The following FEZ2 variants were observed in gnomAD, a reference collection of about 807,000 sequenced individuals.
FEZ2 encodes fasciculation and elongation protein zeta-2.
In FEZ2, 51 loss-of-function variants were observed where a neutral mutation model predicts 40.4. The observed-to-expected ratio is 1.26, with a 90% confidence interval of 1.01 to 1.59. The LOEUF (loss-of-function observed/expected upper bound fraction) is 1.59. Among genes scored for constraint, FEZ2 ranks in the 40% most tolerant of loss-of-function variants. FEZ2 has a pLI of 0.00. For missense variants in FEZ2, 640 were observed against 438.3 expected (o/e 1.46, Z -4.11); for synonymous variants, 242 against 172.0 (o/e 1.41, Z -3.18).
chr2:36,565,870 A>AC (rs1023897301), intron 5 of FEZ2, among the ~76,000 whole-genome samples: 1 of 151,770 alleles, frequency 6.6e-6, no homozygotes, highest in South Asian at 2.1e-4. Context: ...CAGCAGTACC[A>AC]CCCCCATCCT....
At chr2:36,592,575 G>A (rs1669101130) in intron 1 of FEZ2, among the ~76,000 whole-genome samples, 1 of 150,918 alleles carries the variant, frequency 6.6e-6, no homozygotes, top group South Asian at 2.1e-4. Context: ...GGAAGCCAAA[G>A]TGGGAGGATT....
intron 1 of FEZ2, among the ~76,000 whole-genome samples, chr2:36,596,301 C>G (rs985197496): frequency 1.3e-5 from 2 of 152,222 alleles, no homozygotes; most frequent in African/African-American, 4.8e-5. Flanking sequence ...AGCTTCCTAC[C>G]TTATTCCTGA....
In FEZ2 at chr2:36,552,929, G is replaced by A; in HGVS notation, c.*234C>T. 1.9e-6 allele frequency: 1 copy of A among 516,044 alleles called. No homozygotes were observed. Among genetic ancestry groups the A allele is most frequent in the Non-Finnish European group, 3.5e-6 (1 of 287,510 alleles). The allele number at this position is 516,044 out of a possible 1,614,324, so 32.0% of individuals were successfully genotyped here. ...ATTACTCTCTCTTAATCTACTAAGA[G>A]AACAGTTTATTAGTAGATTTAACAA... On this transcript the variant is annotated 3_prime_UTR_variant, in exon 8 of 8. Coordinates refer to ENST00000405912, the MANE Select transcript of FEZ2 (RefSeq NM_005102.3).
chr2:36,588,333 A>C (rs1668966799), intron 2 of FEZ2, among the ~76,000 whole-genome samples: 1 of 152,170 alleles, frequency 6.6e-6, no homozygotes. Flanking sequence ...CAGCCAGGTA[A>C]GGCTTTTTAA....
At chr2:36,556,325 A>T (rs2125217626) in intron 6 of FEZ2, 1 of 162,506 alleles carries the variant, frequency 6.2e-6, no homozygotes, top group Non-Finnish European at 1.4e-5. Context: ...TGGGAGAATT[A>T]GCCTCATTCT....
At chr2:36,596,235 G>C (rs957800907) in intron 1 of FEZ2, among the ~76,000 whole-genome samples, 1 of 152,192 alleles carries the variant, frequency 6.6e-6, no homozygotes, top group Non-Finnish European at 1.5e-5. Context: ...ACACAGGTGG[G>C]CCTGCACCAC....
At chr2:36,562,711 AT>A (rs1668124723) in intron 5 of FEZ2, among the ~76,000 whole-genome samples, 1 of 152,204 alleles carries the variant, frequency 6.6e-6, no homozygotes, top group Admixed American at 6.5e-5. Flanking sequence ...ATTCATTCAT[AT>A]TTTTTAAGCA....
At chr2:36,581,105 T>G (rs914136881) in intron 4 of FEZ2, among the ~76,000 whole-genome samples, 185 bp downstream of exon 4, 2 of 152,162 alleles carry the variant, frequency 1.3e-5, no homozygotes, top group African/African-American at 4.8e-5. Flanking sequence ...GCTGAAATCA[T>G]GCCACTTCAT....
intron 1 of FEZ2, among the ~76,000 whole-genome samples, chr2:36,593,390 T>C (rs1178101910): frequency 6.6e-6 from 1 of 152,006 alleles, no homozygotes; most frequent in Non-Finnish European, 1.5e-5. Context: ...CTAGCAGAGG[T>C]TCTCCATGAG....
At chr2:36,597,533 T>C (rs1669261838) in intron 1 of FEZ2, among the ~76,000 whole-genome samples, 1 of 152,154 alleles carries the variant, frequency 6.6e-6, no homozygotes. Flanking sequence ...CTTGAGTGAA[T>C]GAATGGCGAC....
intron 5 of FEZ2, among the ~76,000 whole-genome samples, chr2:36,572,630 C>T (rs574164567): frequency 1.3e-5 from 2 of 152,234 alleles, no homozygotes; most frequent in South Asian, 4.2e-4. Flanking sequence ...TAGCTGTGTT[C>T]CAGTAAAACT....
At chr2:36,555,553 T>A in intron 7 of FEZ2, 130 bp downstream of exon 7, 1 of 509,604 alleles carries the variant, frequency 2.0e-6, no homozygotes, top group Non-Finnish European at 3.5e-6. Context: ...TAGCTAATCC[T>A]CACCCTGCAT....
intron 1 of FEZ2, 117 bp downstream of exon 1, chr2:36,597,739 AGGAAGGAGGCGAGAGGGCGGG>A: frequency 1.7e-6 from 1 of 598,992 alleles, no homozygotes; most frequent in East Asian, 3.5e-5. Context: ...CGACGGCCGG[AGGAAGGAGGCGAGAGGGCGGG>A]GACTCCCGCG....
intron 4 of FEZ2, among the ~76,000 whole-genome samples, chr2:36,580,807 A>C (rs562102155): frequency 7.9e-5 from 12 of 152,332 alleles, no homozygotes; most frequent in African/African-American, 2.9e-4. Flanking sequence ...AATTACATTA[A>C]AATAAGGTCA....
intron 5 of FEZ2, 119 bp from the exon 6 acceptor site, chr2:36,558,632 G>GA (rs951337042): frequency 1.2e-5 from 6 of 505,156 alleles, no homozygotes; most frequent in Non-Finnish European, 2.0e-5. Context: ...CTTTGGTAAT[G>GA]AAAACACAGG....
chr2:36,559,761 T>A (rs1668045913), intron 5 of FEZ2, among the ~76,000 whole-genome samples: 1 of 152,238 alleles, frequency 6.6e-6, no homozygotes. Flanking sequence ...CCTGGCTGCA[T>A]CTTCAGGCCT....
At chr2:36,553,687 C>T (rs1322179074) in intron 7 of FEZ2, among the ~76,000 whole-genome samples, 6 of 152,188 alleles carry the variant, frequency 3.9e-5, no homozygotes, top group African/African-American at 1.4e-4. Context: ...GCCCACCCTA[C>T]TCCCTTTTCT....
Position 36,581,449 on chromosome 2 carries a change from C to A in FEZ2, c.493-18G>T, listed in dbSNP as rs370243654. ...TCAATAACCTTCGAAAACACACACACCACTGTTAATCAAATATACAAAAGG... is the reference window on the plus strand; with the variant it reads ...TCAATAACCTTCGAAAACACACACAACACTGTTAATCAAATATACAAAAGG... On this transcript the variant is annotated intron_variant, in intron 3 of 7. Coordinates refer to ENST00000405912, the MANE Select transcript of FEZ2 (RefSeq NM_005102.3). The A allele has an allele frequency of 5.8e-5, 93 of 1,609,968 alleles. No homozygotes were observed. Among genetic ancestry groups the A allele is most frequent in the Non-Finnish European group, 7.7e-5 (91 of 1,176,538 alleles).
chr2:36,586,382 C>T (rs1668899066), intron 2 of FEZ2, among the ~76,000 whole-genome samples: 1 of 152,092 alleles, frequency 6.6e-6, no homozygotes, highest in South Asian at 2.1e-4. Context: ...TGCCTGTAAT[C>T]CCAGCACTTT....
Sources: allele counts gnomAD v4.1 joint callset (sites outside exome capture counted in the v4.1 genomes callset), GRCh38; gene constraint gnomAD v4.1.1; transcripts MANE v1.5; gene names NCBI Gene and HGNC (gene_info 2026-07-23, HGNC 2026-07-21).